CDC42BPG: variants seen among roughly 807,000 people sequenced by gnomAD.
The protein encoded by CDC42BPG is CDC42 binding protein kinase gamma.
CDC42BPG carries 157 observed loss-of-function variants against 192.2 expected under a neutral mutation model. The observed-to-expected ratio is 0.82, with a 90% CI of 0.72 to 0.93. The LOEUF (loss-of-function observed/expected upper bound fraction) is 0.93, where lower values mean the gene tolerates loss of function less well. Ranked by LOEUF, CDC42BPG falls within the 40% of genes least tolerant of loss-of-function variation. CDC42BPG has a pLI of 0.00. For synonymous variants in CDC42BPG, 981 were observed against 918.5 expected (o/e 1.07, Z -1.23); for missense variants, 1,992 against 2,122.1 (o/e 0.94, Z 1.20).
chr11:64,827,197 C>T lies in CDC42BPG; in HGVS notation c.4272-30G>A, dbSNP rs903980345. 3.7e-6 allele frequency: 6 copies of T among 1,612,068 alleles called. No homozygotes were observed. In the African/African-American group the frequency reaches 4.0e-5, roughly 11 times the overall value. On this transcript the variant is annotated intron_variant, in intron 33 of 36. Coordinates refer to ENST00000342711, the MANE Select transcript of CDC42BPG (RefSeq NM_017525.3). ...GGGCGGAGGTGTAAGTAGTGGGTGG[C>T]GAAGCTCCACCCTCCCTTCGACCCG... is the stretch of plus-strand genomic sequence containing the variant.
chr11:64,833,719 T>C lies in CDC42BPG; in HGVS notation c.2565+19A>G, dbSNP rs765171479. ...AGGGCGGGGCCCAGGCCCCCTACGA[T>C]GGACCCACCTGTCCTCACCCCCATG... On this transcript the variant is annotated intron_variant, in intron 22 of 36. Coordinates refer to ENST00000342711, the MANE Select transcript of CDC42BPG (RefSeq NM_017525.3). 3.7e-6 allele frequency: 6 copies of C among 1,613,664 alleles called. No homozygotes were observed. The highest frequency in any genetic ancestry group is 2.7e-5 in the African/African-American group (2 of 74,930).
chr11:64,835,017 T>TGGCCC (rs1942908943), intron 17 of CDC42BPG, 30 bp downstream of exon 17: 151 of 1,571,376 alleles, frequency 9.6e-5, no homozygotes, highest in Non-Finnish European at 1.2e-4. Flanking sequence ...TCGCCTGCGT[T>TGGCCC]CCCCACCCCG....
At position 64,827,101 on chromosome 11, in the gene CDC42BPG, T is replaced by C. The variant is rs748471345; in HGVS notation, c.4338A>G (p.Leu1446=). The change falls in exon 34 of 37, where the codon CTA becomes CTG. Residue 1446 remains leucine, a synonymous_variant. Coordinates refer to ENST00000342711, the MANE Select transcript of CDC42BPG (RefSeq NM_017525.3). ...GCCCGTTGGCAGGGCCCACGTGTAC[T>C]AGGTGGTTGAAGTTGGTAGGCGGCG... ...LISPPTNFNH[L]VHVGPANGRP... is the part of the protein sequence containing the mutation. The C allele has an allele frequency of 4.3e-6, 7 of 1,613,826 alleles. No individual in the cohort carries two copies. In the African/African-American group the frequency reaches 8.0e-5, roughly 18 times the overall value.
intron 3 of CDC42BPG, 34 bp downstream of exon 3, chr11:64,841,616 G>T: frequency 6.4e-7 from 1 of 1,571,084 alleles, no homozygotes; most frequent in Non-Finnish European, 8.7e-7. Context: ...CCCATTTGTA[G>T]GGTGCCCAAG....
At position 64,836,719 on chromosome 11, in the gene CDC42BPG, G is replaced by GGGGGGGGGGC; in HGVS notation, c.1384+19_1384+20insGCCCCCCCCC. ...GGGACTCAGCCCTGGGGGGGGGGGG[G>GGGGGGGGGGC]GGGTGGGCGGAAGGGATACCTGGCA... is the stretch of plus-strand genomic sequence containing the variant. On this transcript the variant is annotated intron_variant, in intron 11 of 36. Transcript: ENST00000342711. The GGGGGGGGGGC allele has an allele frequency of 1.2e-6, 1 of 842,252 alleles. No homozygotes were observed. The highest frequency in any genetic ancestry group is 1.7e-6 in the Non-Finnish European group (1 of 582,304). The allele number at this position is 842,252 out of a possible 1,614,324, so 52.2% of individuals were successfully genotyped here. A position where few individuals can be genotyped will look rare whatever the true frequency, so the allele number is the denominator to read the frequency against.
rs766102924 is a variant in CDC42BPG, at chr11:64,829,620, C to G, written c.3818G>C (p.Arg1273Pro). 1.2e-6 allele frequency: 2 copies of G among 1,611,564 alleles called. No homozygotes were observed. The highest frequency in any genetic ancestry group is 1.7e-6 in the Non-Finnish European group (2 of 1,179,352). ...ACCCAGTGCCTCACCCAGGCCCCCG[C>G]GGGATGGTGGCAGCTCCTCAGGCAC... The part of the protein sequence containing the change: ...GLVPEELPPS[R>P]GGLGEALGAV... Residue 1273 changes from arginine to proline, a missense_variant, in exon 30 of 37, where the codon CGC becomes CCC. Physicochemically the swap from Arg to Pro is moderately radical, Grantham distance 103. Transcript: ENST00000342711.
intron 27 of CDC42BPG, 94 bp from the exon 28 acceptor site, chr11:64,831,815 T>C: frequency 2.7e-6 from 3 of 1,110,268 alleles, no homozygotes; most frequent in Non-Finnish European, 3.9e-6. Flanking sequence ...CCCGGGGGCC[T>C]AGCGTGCACT....
chr11:64,830,818 C>T (rs990403230), intron 28 of CDC42BPG, among the ~76,000 whole-genome samples: 3 of 152,228 alleles, frequency 2.0e-5, no homozygotes, highest in African/African-American at 7.2e-5. Flanking sequence ...TTCGCAGCTC[C>T]ACCCAGGAGA....
intron 35 of CDC42BPG, 32 bp from the exon 36 acceptor site, chr11:64,826,587 A>T: frequency 6.3e-7 from 1 of 1,594,160 alleles, no homozygotes; most frequent in Non-Finnish European, 8.5e-7. Context: ...AGACAAAAAT[A>T]CCAAGATCAG....
In CDC42BPG at chr11:64,836,719, G is replaced by GGGGGGGGGGGGCGGAA; in HGVS notation, c.1384+19_1384+20insTTCCGCCCCCCCCCCC. On this transcript the variant is annotated intron_variant, in intron 11 of 36. Coordinates refer to ENST00000342711, the MANE Select transcript of CDC42BPG (RefSeq NM_017525.3). ...GGGACTCAGCCCTGGGGGGGGGGGG[G>GGGGGGGGGGGGCGGAA]GGGTGGGCGGAAGGGATACCTGGCA... The GGGGGGGGGGGGCGGAA allele has an allele frequency of 2.4e-6, 2 of 842,262 alleles. No individual in the cohort carries two copies. Among genetic ancestry groups the GGGGGGGGGGGGCGGAA allele is most frequent in the Non-Finnish European group, 3.4e-6 (2 of 582,314 alleles). The allele number at this position is 842,262 out of a possible 1,614,324, so 52.2% of individuals were successfully genotyped here.
chr11:64,840,997 G>C (rs1310470358), intron 3 of CDC42BPG, among the ~76,000 whole-genome samples: 1 of 151,370 alleles, frequency 6.6e-6, no homozygotes, highest in African/African-American at 2.4e-5. Flanking sequence ...AAAAATACAA[G>C]AAACTTAGCT....
intron 34 of CDC42BPG, 103 bp downstream of exon 34, chr11:64,826,947 A>T: frequency 8.6e-7 from 1 of 1,156,180 alleles, no homozygotes; most frequent in East Asian, 2.3e-5. Flanking sequence ...CCCAGGCCTT[A>T]GGAGTAATTA....
intron 28 of CDC42BPG, among the ~76,000 whole-genome samples, chr11:64,831,303 G>A (rs1038789537): frequency 2.6e-5 from 4 of 152,094 alleles, no homozygotes; most frequent in Admixed American, 2.0e-4. Flanking sequence ...GAGGCACAGC[G>A]AAATGGAGTG....
intron 1 of CDC42BPG, 101 bp from the exon 2 acceptor site, chr11:64,842,005 C>A: frequency 2.2e-6 from 2 of 906,770 alleles, no homozygotes; most frequent in South Asian, 1.4e-5. Context: ...TGAGCCCAGG[C>A]AGGGATGACC....
At chr11:64,832,353 G>A (rs1195418958) in intron 27 of CDC42BPG, 75 bp downstream of exon 27, 5 of 1,448,490 alleles carry the variant, frequency 3.5e-6, no homozygotes, top group African/African-American at 2.8e-5. Flanking sequence ...AGTATGAAGT[G>A]GGGGGACAGT....
rs537079295 is a variant in CDC42BPG at position 64,823,126 on chromosome 11, A to C, written c.*1347T>G. Among the ~76,000 whole-genome samples the C allele has an allele frequency of 9.8e-5, 14 of 142,892 alleles. No individual in the cohort carries two copies. The highest frequency in any genetic ancestry group is 2.1e-4 in the Non-Finnish European group (14 of 66,114). The allele number at this position is 142,892 out of a possible 152,430, so 93.7% of individuals were successfully genotyped here. On this transcript the variant is annotated 3_prime_UTR_variant, in exon 37 of 37. Transcript: ENST00000342711. ...TTTTGAGACGGAGTCTCACTCTGTC[A>C]CCCAGGCTGGAGTGCAGTGGCGCGA...
rs4930681 is a variant in CDC42BPG at position 64,823,242 on chromosome 11, A to G, written c.*1231T>C. The G allele has an allele frequency of 0.039, 5,916 of 151,088 alleles. 161 individuals are homozygous for G. Among genetic ancestry groups the G allele is most frequent in the Middle Eastern group, 0.12 (35 of 290 alleles). The allele number at this position is 151,088 out of a possible 1,614,324, so 9.4% of individuals were successfully genotyped here. A position where few individuals can be genotyped will look rare whatever the true frequency, so the allele number is the denominator to read the frequency against. On this transcript the variant is annotated 3_prime_UTR_variant, in exon 37 of 37. Transcript: ENST00000342711. ...GCAGGGACTACAGGCACCCGTCACC[A>G]CGCCCGGCTAATTTTTTGTATTTTT... is the stretch of plus-strand genomic sequence containing the variant.
In CDC42BPG at chr11:64,826,548, C is replaced by T. The variant is rs765513496; in HGVS notation, c.4521G>A (p.Arg1507=). ...CGCTGGACAGGGATGTCCAGGGTTT[C>T]CTCTTCACTGCTCCAGCAGCAGACG... ...GLGGDADPMK[R]KPWTSLSSES... is the part of the protein sequence containing the mutation. The change falls in exon 36 of 37, where the codon AGG becomes AGA. Residue 1507 remains arginine, a synonymous_variant. Transcript: ENST00000342711. 6.2e-7 allele frequency: 1 copy of T among 1,601,496 alleles called. No homozygotes were observed. The highest frequency in any genetic ancestry group is 2.2e-5 in the East Asian group (1 of 44,558).
At position 64,831,524 on chromosome 11, in the gene CDC42BPG, C is replaced by A; in HGVS notation, c.3285G>T (p.Thr1095=). 1 of 1,610,586 alleles carries A rather than the reference C, an allele frequency of 6.2e-7. No homozygotes were observed. Among genetic ancestry groups the A allele is most frequent in the Non-Finnish European group, 8.5e-7 (1 of 1,178,318 alleles). Residue 1095 remains threonine, a synonymous_variant, in exon 28 of 37, where the codon ACG becomes ACT. Transcript: ENST00000342711. ...YDNGLPLLPH[T]LCAAILDQDR... is the part of the protein sequence containing the mutation. ...GCTCACCGAGGATGGCAGCGCAGAGCGTGTGAGGCAGCAGCGGCAGCCCGT... is the reference window on the plus strand; with the variant it reads ...GCTCACCGAGGATGGCAGCGCAGAGAGTGTGAGGCAGCAGCGGCAGCCCGT...
Sources: allele counts gnomAD v4.1 joint callset (sites outside exome capture counted in the v4.1 genomes callset), GRCh38; gene constraint gnomAD v4.1.1; transcripts MANE v1.5; gene names NCBI Gene and HGNC (gene_info 2026-07-23, HGNC 2026-07-21).